The following CC2D2B variants were observed in gnomAD, a reference collection of about 807,000 sequenced individuals.
CC2D2B encodes coiled-coil and C2 domain containing 2B.
Under a neutral mutation model 161.2 loss-of-function variants are expected in CC2D2B, and 128 were observed. That is an observed-to-expected ratio of 0.79 (90% CI 0.69 to 0.92). CC2D2B has a LOEUF of 0.92. CC2D2B is among the 40% of genes least tolerant of loss of function. The pLI is 0.00. For synonymous variants in CC2D2B, 391 were observed against 449.8 expected (o/e 0.87, Z 1.65); for missense variants, 1,173 against 1,375.1 (o/e 0.85, Z 2.32).
chr10:95,966,594 C>T (rs115340012), intron 14 of CC2D2B, among the ~76,000 whole-genome samples: 2,824 of 152,092 alleles, frequency 0.019, 35 homozygotes, highest in Middle Eastern at 0.054. Context: ...GTGATATCTT[C>T]ACTGCTAGTC....
chr10:95,993,897 AGAATGTGT>A (rs1564649212), intron 22 of CC2D2B, among the ~76,000 whole-genome samples: 2 of 99,824 alleles, frequency 2.0e-5, no homozygotes, highest in Non-Finnish European at 4.1e-5. Context: ...ATAGAGAGAG[AGAATGTGT>A]GTGTGTGTGT....
At chr10:95,972,518 T>C (rs2077171571) in intron 16 of CC2D2B, among the ~76,000 whole-genome samples, 2 of 152,176 alleles carry the variant, frequency 1.3e-5, no homozygotes, top group South Asian at 4.1e-4. Flanking sequence ...TTCACCATTT[T>C]AACCAGGCTG....
In CC2D2B at chr10:96,032,323, T is replaced by G; in HGVS notation, c.*315T>G. On this transcript the variant is annotated 3_prime_UTR_variant, in exon 35 of 35. Coordinates refer to ENST00000646931, the MANE Select transcript of CC2D2B (RefSeq NM_001349008.3). The stretch of plus-strand genomic sequence containing the variant: ...TTTTGGCCTCTTCTCCTAAGACCAA[T>G]GTTTCTCAAATTGTAGAATTCACAC... 1 of 250,606 alleles carries G rather than the reference T, an allele frequency of 4.0e-6. No homozygotes were observed. The highest frequency in any genetic ancestry group is 7.7e-5 in the East Asian group (1 of 13,034). The allele number at this position is 250,606 out of a possible 1,614,324, so 15.5% of individuals were successfully genotyped here.
intron 18 of CC2D2B, among the ~76,000 whole-genome samples, chr10:95,982,474 G>A (rs1324968466): frequency 1.3e-5 from 2 of 152,066 alleles, no homozygotes; most frequent in East Asian, 3.9e-4. Context: ...CCTTCTCTCA[G>A]ACTCCATTAT....
In CC2D2B at chr10:96,004,467, ATAT is replaced by A. The variant is rs1303988434; in HGVS notation, c.2946+223_2946+225del. Reference sequence around the variant, plus strand: ...CCACATACAGGAGGAGGAGGAATAAATATTATCAAGAACTTGGGAGAAGTAGGT... The same window carrying A: ...CCACATACAGGAGGAGGAGGAATAAATATCAAGAACTTGGGAGAAGTAGGT... On this transcript the variant is annotated intron_variant, in intron 25 of 34. Transcript: ENST00000646931. 4.6e-5 allele frequency among the ~76,000 whole-genome samples: 7 copies of A among 152,224 alleles called. 1 individual carries two copies. Among genetic ancestry groups the A allele is most frequent in the Non-Finnish European group, 8.8e-5 (6 of 68,030 alleles).
chr10:96,030,826 C>A (rs1246461072), intron 34 of CC2D2B, among the ~76,000 whole-genome samples: 1 of 152,024 alleles, frequency 6.6e-6, no homozygotes, highest in Non-Finnish European at 1.5e-5. Context: ...ATGTGGAGTA[C>A]CTATGTAAAA....
chr10:96,019,858 G>C (rs372737189), intron 32 of CC2D2B, 34 bp downstream of exon 32: 112 of 1,562,264 alleles, frequency 7.2e-5, no homozygotes, highest in Non-Finnish European at 8.7e-5. Context: ...GTCTGTATGA[G>C]AGTTACCATT....
chr10:95,969,248 C>T (rs941252557), intron 15 of CC2D2B, among the ~76,000 whole-genome samples: 3 of 152,116 alleles, frequency 2.0e-5, no homozygotes, highest in African/African-American at 2.4e-5. Flanking sequence ...TTCTATAATA[C>T]GAACTTCCAC....
In CC2D2B at chr10:95,975,792, T is replaced by C. The variant is rs149153991; in HGVS notation, c.1943+1636T>C. ...AAATGAGGTCATCTTCTTAGAGACC[T>C]GGAGAAGGTCATTTTAAGAGCAAAT... On this transcript the variant is annotated intron_variant, in intron 17 of 34. Coordinates refer to ENST00000646931, the MANE Select transcript of CC2D2B (RefSeq NM_001349008.3). Among the ~76,000 whole-genome samples, 20 of 152,354 alleles carry C rather than the reference T, an allele frequency of 1.3e-4. No individual in the cohort carries two copies. The East Asian group carries it at 3.9e-3, about 29-fold the overall frequency.
intron 18 of CC2D2B, among the ~76,000 whole-genome samples, chr10:95,982,747 T>C (rs1345621093): frequency 6.6e-6 from 1 of 152,156 alleles, no homozygotes; most frequent in Non-Finnish European, 1.5e-5. Context: ...TGCCTTTTAC[T>C]ATAGGTTTCT....
rs2076593511 is a variant in CC2D2B at position 95,957,152 on chromosome 10, C to T, written c.1109+1661C>T. Among the ~76,000 whole-genome samples, 3 of 152,182 alleles carry T rather than the reference C, an allele frequency of 2.0e-5. No individual in the cohort carries two copies. In the South Asian group the frequency reaches 6.2e-4, roughly 32 times the overall value. On this transcript the variant is annotated intron_variant, in intron 11 of 34. Coordinates refer to ENST00000646931, the MANE Select transcript of CC2D2B (RefSeq NM_001349008.3). Reference sequence around the variant, plus strand: ...GTACCTGTTCCTGGAGTAATCCACACACATTTTTCAGGAGCCCAAGGTAAG... The same window carrying T: ...GTACCTGTTCCTGGAGTAATCCACATACATTTTTCAGGAGCCCAAGGTAAG...
intron 2 of CC2D2B, among the ~76,000 whole-genome samples, chr10:95,912,831 T>A (rs1183662335): frequency 7.9e-5 from 12 of 152,152 alleles, no homozygotes; most frequent in Non-Finnish European, 1.5e-5. Context: ...TTTTAATTTT[T>A]ATGGATACAC....
At chr10:96,011,298 C>T (rs913392612) in intron 26 of CC2D2B, among the ~76,000 whole-genome samples, 8 of 152,200 alleles carry the variant, frequency 5.3e-5, no homozygotes, top group African/African-American at 1.9e-4. Context: ...TGCTCAGTCT[C>T]AGGCCAGACT....
chr10:95,968,166 C>A (rs1287497472), intron 14 of CC2D2B, among the ~76,000 whole-genome samples: 1 of 152,130 alleles, frequency 6.6e-6, no homozygotes, highest in Non-Finnish European at 1.5e-5. Context: ...GGCCTCCCCA[C>A]TGTCCTGGAG....
At chr10:95,926,296 T>C (rs2098538324) in intron 5 of CC2D2B, among the ~76,000 whole-genome samples, 1 of 152,126 alleles carries the variant, frequency 6.6e-6, no homozygotes, top group Non-Finnish European at 1.5e-5. Flanking sequence ...CGATCCCAAT[T>C]ACCACACAGG....
intron 11 of CC2D2B, among the ~76,000 whole-genome samples, chr10:95,956,292 C>G (rs2076564810): frequency 6.6e-6 from 1 of 151,840 alleles, no homozygotes; most frequent in Non-Finnish European, 1.5e-5. Context: ...CACACACACA[C>G]AAAGACAGCA....
intron 9 of CC2D2B, among the ~76,000 whole-genome samples, chr10:95,947,078 C>G (rs1467979885): frequency 1.9e-5 from 1 of 52,084 alleles, no homozygotes; most frequent in Non-Finnish European, 4.1e-5. Flanking sequence ...ATAGTGGACT[C>G]AAAAATATAT....
At chr10:95,993,800 G>A (rs907696037) in intron 22 of CC2D2B, among the ~76,000 whole-genome samples, 3 of 139,872 alleles carry the variant, frequency 2.1e-5, no homozygotes, top group Non-Finnish European at 4.6e-5. Flanking sequence ...TATATAGAGA[G>A]AGAGAATATA....
chr10:95,987,179 C>G (rs1387218733), intron 19 of CC2D2B, among the ~76,000 whole-genome samples: 1 of 151,890 alleles, frequency 6.6e-6, no homozygotes, highest in Admixed American at 6.6e-5. Flanking sequence ...CAAAAATTAG[C>G]CAGGTGTGGC....
Sources: allele counts gnomAD v4.1 joint callset (sites outside exome capture counted in the v4.1 genomes callset), GRCh38; gene constraint gnomAD v4.1.1; transcripts MANE v1.5; gene names NCBI Gene and HGNC (gene_info 2026-07-23, HGNC 2026-07-21).